Variants in DAAM2 observed in about 807,000 individuals in gnomAD.
DAAM2 encodes the protein disheveled-associated activator of morphogenesis 2.
A neutral mutation model predicts 120.7 loss-of-function variants in DAAM2; 39 were observed. The observed-to-expected ratio is 0.32, with a 90% CI of 0.25 to 0.42. The LOEUF is 0.42. Ranked by LOEUF, DAAM2 falls within the 10% of genes least tolerant of loss-of-function variation. The pLI is 1.00. For synonymous variants in DAAM2, 488 were observed against 524.9 expected (o/e 0.93, Z 0.96); for missense variants, 1,283 against 1,401.7 (o/e 0.92, Z 1.35).
At chr6:39,864,270 A>G (rs1764327700) in intron 3 of DAAM2, among the ~76,000 whole-genome samples, 163 bp from the exon 4 acceptor site, 1 of 152,188 alleles carries the variant, frequency 6.6e-6, no homozygotes, top group African/African-American at 2.4e-5. Flanking sequence ...TATTTCACCA[A>G]GGGAGAAATG....
chr6:39,811,602 C>T (rs2114064850), intron 1 of DAAM2, among the ~76,000 whole-genome samples: 1 of 152,252 alleles, frequency 6.6e-6, no homozygotes, highest in Non-Finnish European at 1.5e-5. Context: ...CCTCATGATC[C>T]CTCTGCATAT....
chr6:39,864,641 A>C lies in DAAM2; in HGVS notation c.333+134A>C. On this transcript the variant is annotated intron_variant, in intron 4 of 24. Coordinates refer to ENST00000274867, the MANE Select transcript of DAAM2 (RefSeq NM_001201427.2). The stretch of plus-strand genomic sequence containing the variant: ...CAGCGCCCCACTGCCCACTCACTGG[A>C]GTTCAGCAGCTTTCCAGTTATTCAT... 8.6e-6 allele frequency: 6 copies of C among 701,424 alleles called. No individual in the cohort carries two copies. The South Asian group carries it at 1.1e-4, about 13-fold the overall frequency. 43.5% of individuals were successfully genotyped at this position (701,424 alleles called of 1,614,324 possible). A position where few individuals can be genotyped will look rare whatever the true frequency, so the allele number is the denominator to read the frequency against.
intron 1 of DAAM2, among the ~76,000 whole-genome samples, chr6:39,817,247 A>T (rs1476230438): frequency 6.6e-6 from 1 of 152,194 alleles, no homozygotes; most frequent in East Asian, 1.9e-4. Context: ...TGATTCTATT[A>T]CTTTTCTGGG....
At chr6:39,834,191 C>T (rs1231247180) in intron 1 of DAAM2, among the ~76,000 whole-genome samples, 1 of 152,098 alleles carries the variant, frequency 6.6e-6, no homozygotes, top group Non-Finnish European at 1.5e-5. Context: ...TCAGTTGGCT[C>T]CACCAGGGGT....
In DAAM2 at chr6:39,891,572, G is replaced by C. The variant is rs192315353; in HGVS notation, c.2253-62G>C. On this transcript the variant is annotated intron_variant, in intron 18 of 24. Coordinates refer to ENST00000274867, the MANE Select transcript of DAAM2 (RefSeq NM_001201427.2). ...TGAGAGGAGACTGGAGCTGGCTCCG[G>C]GAGCTGGGGCTGGCCAGGATAGGGG... The C allele has an allele frequency of 3.5e-5, 54 of 1,546,836 alleles. No homozygotes were observed. The Admixed American group carries it at 7.9e-4, about 23-fold the overall frequency.
chr6:39,812,789 G>C (rs899439965), intron 1 of DAAM2, among the ~76,000 whole-genome samples: 6 of 152,078 alleles, frequency 3.9e-5, no homozygotes. Context: ...GCTCCTGTGA[G>C]TTCTAGAGGG....
At chr6:39,896,038 A>ATTT (rs71694195) in intron 19 of DAAM2, among the ~76,000 whole-genome samples, 3 of 151,836 alleles carry the variant, frequency 2.0e-5, no homozygotes, top group African/African-American at 4.8e-5. Context: ...TATTTAATTG[A>ATTT]TTTTTTTTCT....
intron 1 of DAAM2, among the ~76,000 whole-genome samples, chr6:39,838,633 T>C (rs1763200020): frequency 6.6e-6 from 1 of 152,108 alleles, no homozygotes; most frequent in East Asian, 1.9e-4. Flanking sequence ...ACTGAGAAGG[T>C]TCCTGTGATT....
At chr6:39,827,853 C>T (rs2114172533) in intron 1 of DAAM2, among the ~76,000 whole-genome samples, 2 of 152,272 alleles carry the variant, frequency 1.3e-5, no homozygotes, top group Middle Eastern at 6.8e-3. Flanking sequence ...ATCTTGCCAG[C>T]TGCCCAAGCT....
At chr6:39,892,724 G>A (rs2149361204) in intron 19 of DAAM2, among the ~76,000 whole-genome samples, 1 of 152,262 alleles carries the variant, frequency 6.6e-6, no homozygotes, top group South Asian at 2.1e-4. Flanking sequence ...TGGACACCAG[G>A]GCCAGTCAGT....
chr6:39,862,152 A>G (rs1764237474), intron 3 of DAAM2: 1 of 152,168 alleles, frequency 6.6e-6, no homozygotes, highest in African/African-American at 2.4e-5. Context: ...CCCACAGCCC[A>G]CCCAGTCCGT....
intron 15 of DAAM2, chr6:39,886,694 T>G (rs1403735386): frequency 2.6e-6 from 1 of 377,832 alleles, no homozygotes; most frequent in Non-Finnish European, 4.7e-6. Context: ...CTTCTAGGTC[T>G]ACTGTCTTAC....
intron 1 of DAAM2, among the ~76,000 whole-genome samples, chr6:39,839,687 T>C (rs140839660): frequency 1.3e-5 from 2 of 152,230 alleles, no homozygotes; most frequent in East Asian, 3.9e-4. Flanking sequence ...ATGTGCAGGC[T>C]CACAGAGCAA....
intron 1 of DAAM2, among the ~76,000 whole-genome samples, chr6:39,828,908 G>A (rs9296311): frequency 0.37 from 56,870 of 151,974 alleles, 13,474 homozygotes; most frequent in African/African-American, 0.68. Flanking sequence ...TAGTATTATT[G>A]CAACAAAGAT....
intron 3 of DAAM2, chr6:39,862,805 CAAAAAAAAAAAAAAAAAAAAAAA>C (rs60238956): frequency 2.0e-5 from 1 of 50,634 alleles, no homozygotes; most frequent in Non-Finnish European, 3.4e-5. Context: ...AACTCCATCT[CAAAAAAAAAAAAAAAAAAAAAAA>C]AAAAAAAAGA....
Position 39,875,443 on chromosome 6 carries a change from T to C in DAAM2, c.1276T>C (p.Phe426Leu). Residue 426 changes from phenylalanine (F) to leucine (L), a missense_variant, in exon 11 of 25, where the codon TTC (phenylalanine) becomes CTC (leucine). This residue lies in a region of DAAM2 where 338 missense variants were observed against 443.9 expected (regional missense o/e 0.76). Transcript: ENST00000274867. ...VDPDLAPLEN[F>L]NVKNIVNMLI... Reference sequence around the variant, plus strand: ...CCCTGACCTGGCTCCCTTGGAGAACTTCAATGTCAAGAACATCGTCAACAT... The same window carrying C: ...CCCTGACCTGGCTCCCTTGGAGAACCTCAATGTCAAGAACATCGTCAACAT... 1 of 1,613,868 alleles carries C rather than the reference T, an allele frequency of 6.2e-7. No homozygotes were observed. The highest frequency in any genetic ancestry group is 2.2e-5 in the East Asian group (1 of 44,874).
Position 39,875,403 on chromosome 6 carries a change from T to A in DAAM2, c.1236T>A (p.Asp412Glu), listed in dbSNP as rs201940753. 3 of 1,613,980 alleles carry A rather than the reference T, an allele frequency of 1.9e-6. No individual in the cohort carries two copies. The South Asian group carries it at 3.3e-5, about 18-fold the overall frequency. The change falls in exon 11 of 25, where the codon GAT becomes GAA. Residue 412 changes from aspartate (D) to glutamate (E), a missense_variant. By Grantham distance (45) the Asp-to-Glu change is conservative (BLOSUM62 2). This residue lies in a region of DAAM2 where 338 missense variants were observed against 443.9 expected (regional missense o/e 0.76). Transcript: ENST00000274867. ...DRILQQIVLQ[D>E]ERGVDPDLAP... ...TCCTCCAGCAGATTGTCCTCCAGGA[T>A]GAGCGGGGTGTGGACCCTGACCTGG...
chr6:39,797,028 A>G (rs1761722409), intron 1 of DAAM2, among the ~76,000 whole-genome samples: 2 of 152,214 alleles, frequency 1.3e-5, no homozygotes, highest in Non-Finnish European at 2.9e-5. Context: ...AGGATTAACA[A>G]CTGTGCTTGG....
chr6:39,804,916 G>A (rs1761966175), intron 1 of DAAM2, among the ~76,000 whole-genome samples: 1 of 152,154 alleles, frequency 6.6e-6, no homozygotes, highest in South Asian at 2.1e-4. Flanking sequence ...CAGGTGTTGT[G>A]GAGTGAATTC....
Sources: gnomAD v4.1 joint callset for allele counts (sites outside exome capture counted in the v4.1 genomes callset) on GRCh38, gnomAD v4.1.1 for gene constraint, gnomAD v4.1.1 regional missense constraint, MANE v1.5 for transcripts, NCBI Gene and HGNC (gene_info 2026-07-23, HGNC 2026-07-21) for gene names.